EEFSEC: variants seen among roughly 807,000 people sequenced by gnomAD.
EEFSEC encodes selenocysteine-specific elongation factor.
A neutral mutation model predicts 42.1 loss-of-function variants in EEFSEC; 43 were observed. The ratio of observed to expected loss-of-function variants is 1.02; its 90% CI spans 0.80 to 1.32. The LOEUF (loss-of-function observed/expected upper bound fraction) is 1.32. Ranked by LOEUF, EEFSEC falls within the 40% of genes most tolerant of loss-of-function variation. The probability of loss-of-function intolerance (pLI) is 0.00; values close to 1 mark genes in which losing one functional copy is unlikely to be tolerated. For synonymous variants in EEFSEC, 354 were observed against 339.1 expected (o/e 1.04, Z -0.48); for missense variants, 745 against 803.6 (o/e 0.93, Z 0.88).
chr3:128,216,988 G>A (rs940626114), intron 1 of EEFSEC, among the ~76,000 whole-genome samples: 4 of 152,172 alleles, frequency 2.6e-5, no homozygotes, highest in African/African-American at 9.7e-5. Flanking sequence ...GTATTCATAT[G>A]TTAGTATTAT....
intron 2 of EEFSEC, among the ~76,000 whole-genome samples, chr3:128,259,023 A>G (rs2955096): frequency 0.86 from 130,927 of 152,210 alleles, 56,521 homozygotes; most frequent in East Asian, 0.99. Flanking sequence ...TACCAAAGCT[A>G]GCCAAACTTT....
At position 128,153,828 on chromosome 3, in the gene EEFSEC, G is replaced by T; in HGVS notation, c.316+5G>T. 1 of 1,505,362 alleles carries T rather than the reference G, an allele frequency of 6.6e-7. No individual in the cohort carries two copies. Among genetic ancestry groups the T allele is most frequent in the Non-Finnish European group, 8.8e-7 (1 of 1,133,788 alleles). 93.3% of individuals were successfully genotyped at this position (1,505,362 alleles called of 1,614,324 possible). Reference sequence around the variant, plus strand: ...TCATCCGGACCATCATCGGCGGTGAGCGCGGGCCGGGGCGGGAGCCGGGCT... The same window carrying T: ...TCATCCGGACCATCATCGGCGGTGATCGCGGGCCGGGGCGGGAGCCGGGCT... On this transcript the variant is annotated splice_donor_5th_base_variant and intron_variant, in intron 1 of 6. Transcript: ENST00000254730.
chr3:128,246,889 C>A lies in EEFSEC; in HGVS notation c.370C>A (p.Gln124Lys). 1 of 1,614,188 alleles carries A rather than the reference C, an allele frequency of 6.2e-7. No homozygotes were observed. The highest frequency in any genetic ancestry group is 8.5e-7 in the Non-Finnish European group (1 of 1,180,024). Residue 124 changes from glutamine to lysine, a missense_variant, in exon 2 of 7, where the codon CAG becomes AAG. Gln to Lys is a moderately conservative substitution (Grantham distance 53). Transcript: ENST00000254730. ...GGTCATCGATGTGACCAAGGGGATG[C>A]AGACCCAGTCAGCGGAATGCCTTGT... ...MLVIDVTKGM[Q>K]TQSAECLVIG... is the part of the protein sequence containing the mutation.
At chr3:128,232,813 A>G (rs1377816750) in intron 1 of EEFSEC, among the ~76,000 whole-genome samples, 1 of 152,204 alleles carries the variant, frequency 6.6e-6, no homozygotes, top group East Asian at 1.9e-4. Flanking sequence ...CTCCCTGGTT[A>G]GGTTGGGAGC....
At chr3:128,389,312 G>A (rs371285800) in intron 6 of EEFSEC, among the ~76,000 whole-genome samples, 69 of 152,322 alleles carry the variant, frequency 4.5e-4, no homozygotes, top group Admixed American at 1.7e-3. Flanking sequence ...GGGGATGGGC[G>A]GGCATAACAG....
chr3:128,160,771 G>A (rs1279170433), intron 1 of EEFSEC, among the ~76,000 whole-genome samples: 3 of 152,068 alleles, frequency 2.0e-5, no homozygotes, highest in Non-Finnish European at 4.4e-5. Context: ...AATTAAAGCT[G>A]GCTCTAATTC....
At chr3:128,360,680 C>A (rs982544334) in intron 6 of EEFSEC, among the ~76,000 whole-genome samples, 3 of 145,484 alleles carry the variant, frequency 2.1e-5, no homozygotes, top group African/African-American at 7.7e-5. Context: ...GTGGAGGGAG[C>A]CTCTCAGGGT....
chr3:128,374,566 C>T (rs2107608062), intron 6 of EEFSEC, among the ~76,000 whole-genome samples: 1 of 152,238 alleles, frequency 6.6e-6, no homozygotes, highest in South Asian at 2.1e-4. Context: ...ATTCCAGTTC[C>T]TGGCACTAAT....
At chr3:128,197,551 G>T (rs1688815312) in intron 1 of EEFSEC, among the ~76,000 whole-genome samples, 1 of 152,152 alleles carries the variant, frequency 6.6e-6, no homozygotes, top group Non-Finnish European at 1.5e-5. Flanking sequence ...AGGATTACAG[G>T]TGTGAGCCAC....
At chr3:128,204,841 CTGA>C (rs2065676820) in intron 1 of EEFSEC, among the ~76,000 whole-genome samples, 1 of 152,162 alleles carries the variant, frequency 6.6e-6, no homozygotes, top group Non-Finnish European at 1.5e-5. Context: ...CCATTTTTGC[CTGA>C]TCAAGTGACA....
chr3:128,286,969 A>G (rs1338521177), intron 4 of EEFSEC, among the ~76,000 whole-genome samples: 1 of 152,110 alleles, frequency 6.6e-6, no homozygotes, highest in Non-Finnish European at 1.5e-5. Flanking sequence ...ACCTCCCTCC[A>G]ACAGTATGAT....
intron 6 of EEFSEC, among the ~76,000 whole-genome samples, chr3:128,361,098 C>T (rs934945515): frequency 2.0e-5 from 3 of 152,188 alleles, no homozygotes; most frequent in South Asian, 2.1e-4. Context: ...TCCCAGCCTG[C>T]AGCTCGTGGA....
At chr3:128,340,450 A>C (rs73201462) in intron 4 of EEFSEC, among the ~76,000 whole-genome samples, 20,734 of 151,488 alleles carry the variant, frequency 0.14, 1,614 homozygotes, top group African/African-American at 0.21. Context: ...ATTAATATAT[A>C]TAATTTTTCC....
chr3:128,330,447 C>T (rs111292235), intron 4 of EEFSEC, among the ~76,000 whole-genome samples: 34 of 152,300 alleles, frequency 2.2e-4, no homozygotes, highest in African/African-American at 7.0e-4. Flanking sequence ...AACAACAGAG[C>T]GCACAGGCAC....
In EEFSEC at chr3:128,310,477, C is replaced by T. The variant is rs200042455; in HGVS notation, c.787-30756C>T. ...GAGATTGCCTCTTAGCAACCTCGTGCCAGTGGCCTTGCGCCTATCCCCTGG... is the reference window on the plus strand; with the variant it reads ...GAGATTGCCTCTTAGCAACCTCGTGTCAGTGGCCTTGCGCCTATCCCCTGG... On this transcript the variant is annotated intron_variant, in intron 4 of 6. Coordinates refer to ENST00000254730, the MANE Select transcript of EEFSEC (RefSeq NM_021937.5). Among the ~76,000 whole-genome samples, 6 of 152,222 alleles carry T rather than the reference C, an allele frequency of 3.9e-5. No individual in the cohort carries two copies. In the East Asian group the frequency reaches 9.6e-4, roughly 24 times the overall value.
chr3:128,266,501 G>A (rs1222288722), intron 4 of EEFSEC, among the ~76,000 whole-genome samples: 2 of 152,030 alleles, frequency 1.3e-5, no homozygotes, highest in Admixed American at 1.3e-4. Flanking sequence ...ACAGCAGTGT[G>A]TCTATTACTT....
chr3:128,154,058 TAA>T (rs376181797), intron 1 of EEFSEC: 16,181 of 284,214 alleles, frequency 0.057, no homozygotes, highest in Middle Eastern at 0.094. Context: ...GCGCCTTCCT[TAA>T]AAAAAAAAAA....
chr3:128,289,723 G>A (rs1384058471), intron 4 of EEFSEC, among the ~76,000 whole-genome samples: 3 of 152,188 alleles, frequency 2.0e-5, no homozygotes, highest in Non-Finnish European at 2.9e-5. Flanking sequence ...TCTCTGCACC[G>A]CCCTTCCAGC....
At chr3:128,311,772 G>A (rs2066892604) in intron 4 of EEFSEC, among the ~76,000 whole-genome samples, 1 of 152,210 alleles carries the variant, frequency 6.6e-6, no homozygotes, top group African/African-American at 2.4e-5. Context: ...GTTCCTTGTT[G>A]TTTTGCAAGG....
Sources: gnomAD v4.1 joint callset for allele counts (sites outside exome capture counted in the v4.1 genomes callset) on GRCh38, gnomAD v4.1.1 for gene constraint, MANE v1.5 for transcripts, NCBI Gene and HGNC (gene_info 2026-07-23, HGNC 2026-07-21) for gene names.